Variants in MTUS2 observed in about 807,000 individuals in gnomAD.
MTUS2 encodes the protein microtubule associated scaffold protein 2.
MTUS2 carries 40 observed loss-of-function variants against 114.1 expected under a neutral mutation model. The ratio of observed to expected loss-of-function variants is 0.35; its 90% CI spans 0.27 to 0.46. The LOEUF is 0.46. Among genes scored for constraint, MTUS2 ranks in the 20% least tolerant of loss-of-function variants. MTUS2 has a pLI of 1.00. For synonymous variants in MTUS2, 688 were observed against 672.0 expected (o/e 1.02, Z -0.37); for missense variants, 1,679 against 1,705.4 (o/e 0.98, Z 0.27).
At chr13:29,068,274 C>A (rs1017301481) in intron 4 of MTUS2, among the ~76,000 whole-genome samples, 1 of 152,194 alleles carries the variant, frequency 6.6e-6, no homozygotes, top group Non-Finnish European at 1.5e-5. Context: ...TGTATTTTCA[C>A]TGTGCATTCA....
At chr13:28,866,623 A>C (rs555040714) in intron 2 of MTUS2, among the ~76,000 whole-genome samples, 1 of 152,344 alleles carries the variant, frequency 6.6e-6, no homozygotes, top group East Asian at 1.9e-4. Context: ...CTTTTCATGT[A>C]GTTATCTTAT....
intron 8 of MTUS2, among the ~76,000 whole-genome samples, chr13:29,377,644 T>C (rs1566165195): frequency 6.9e-6 from 1 of 144,780 alleles, no homozygotes; most frequent in Non-Finnish European, 1.5e-5. Context: ...AAGGTATTTA[T>C]GGCATTACAT....
intron 2 of MTUS2, among the ~76,000 whole-genome samples, chr13:28,859,021 G>A (rs970380775): frequency 6.6e-6 from 1 of 152,196 alleles, no homozygotes; most frequent in Non-Finnish European, 1.5e-5. Context: ...GAATAATTTG[G>A]TAGCAGGAGA....
At chr13:29,478,572 T>C (rs1271317204) in intron 9 of MTUS2, among the ~76,000 whole-genome samples, 1 of 152,236 alleles carries the variant, frequency 6.6e-6, no homozygotes, top group Non-Finnish European at 1.5e-5. Context: ...AGGAGTCTTT[T>C]TCCATCAATA....
rs139111386 is a variant in MTUS2 at position 29,033,841 on chromosome 13, A to G, written c.2206-44A>G. On this transcript the variant is annotated intron_variant, in intron 3 of 15. Coordinates refer to ENST00000612955, the MANE Select transcript of MTUS2 (RefSeq NM_001033602.4). ...CGTGGTCCTGTATAGAACTCACACT[A>G]TGATGTGAAGGTCTCTGATTGAGTT... The G allele has an allele frequency of 7.4e-5, 119 of 1,610,206 alleles. No individual in the cohort carries two copies. The African/African-American group carries it at 1.4e-3, about 19-fold the overall frequency.
At chr13:29,097,058 T>C (rs925891098) in intron 4 of MTUS2, among the ~76,000 whole-genome samples, 1 of 152,104 alleles carries the variant, frequency 6.6e-6, no homozygotes, top group Non-Finnish European at 1.5e-5. Context: ...TGAGAATTGG[T>C]GGTGGCCTGC....
At chr13:29,372,964 G>C (rs1871311923) in intron 8 of MTUS2, among the ~76,000 whole-genome samples, 1 of 152,218 alleles carries the variant, frequency 6.6e-6, no homozygotes, top group African/African-American at 2.4e-5. Context: ...GCAGTGGGCA[G>C]ATTAGAAAGA....
intron 8 of MTUS2, among the ~76,000 whole-genome samples, chr13:29,385,656 G>A (rs1213782046): frequency 1.3e-5 from 2 of 151,952 alleles, no homozygotes; most frequent in Non-Finnish European, 2.9e-5. Flanking sequence ...GTTGTTGTCT[G>A]TCCTTTTTCC....
chr13:29,498,294 G>A lies in MTUS2; in HGVS notation c.3679-124G>A, dbSNP rs1270556523. ...AGGCTGTGAGCATCCTCTCTCTTTGGTGTTGCAGTTGCCATCAGGGCGCTT... is the reference window on the plus strand; with the variant it reads ...AGGCTGTGAGCATCCTCTCTCTTTGATGTTGCAGTTGCCATCAGGGCGCTT... On this transcript the variant is annotated intron_variant, in intron 13 of 15. Transcript: ENST00000612955. The A allele has an allele frequency of 6.0e-6, 8 of 1,340,002 alleles. 1 individual carries two copies. The African/African-American group carries it at 7.3e-5, about 12-fold the overall frequency. 83.0% of individuals were successfully genotyped at this position (1,340,002 alleles called of 1,614,324 possible).
chr13:29,113,475 A>G (rs995454400), intron 5 of MTUS2, among the ~76,000 whole-genome samples: 1 of 152,104 alleles, frequency 6.6e-6, no homozygotes, highest in African/African-American at 2.4e-5. Flanking sequence ...CCCAATCGAA[A>G]TTTCTGCAGT....
At chr13:29,170,505 C>T (rs1359661863) in intron 5 of MTUS2, among the ~76,000 whole-genome samples, 1 of 152,080 alleles carries the variant, frequency 6.6e-6, no homozygotes, top group African/African-American at 2.4e-5. Flanking sequence ...GTGAAGGAAA[C>T]CCTGGGGATG....
chr13:29,439,368 A>C (rs1005899414), intron 8 of MTUS2, among the ~76,000 whole-genome samples: 3 of 152,204 alleles, frequency 2.0e-5, no homozygotes, highest in Admixed American at 2.0e-4. Context: ...TTTTTGCACT[A>C]AATGGTATTT....
chr13:28,922,788 A>G (rs1369472457), intron 2 of MTUS2, among the ~76,000 whole-genome samples: 1 of 152,192 alleles, frequency 6.6e-6, no homozygotes, highest in Non-Finnish European at 1.5e-5. Context: ...AAAACCAGGT[A>G]CTATGAGTGT....
chr13:29,109,273 C>G (rs1036848579), intron 5 of MTUS2, among the ~76,000 whole-genome samples: 3 of 152,110 alleles, frequency 2.0e-5, no homozygotes, highest in African/African-American at 7.2e-5. Flanking sequence ...ACATATCCAT[C>G]ACCTCACATA....
intron 4 of MTUS2, among the ~76,000 whole-genome samples, chr13:29,065,920 C>T (rs556308024): frequency 1.3e-5 from 2 of 152,136 alleles, no homozygotes; most frequent in East Asian, 3.8e-4. Context: ...AAACCCCCCC[C>T]CACCTGACAT....
intron 2 of MTUS2, among the ~76,000 whole-genome samples, chr13:29,007,711 T>C (rs1258555164): frequency 6.6e-6 from 1 of 152,344 alleles, no homozygotes; most frequent in East Asian, 1.9e-4. Flanking sequence ...ATAGTAAACA[T>C]ATTTTTTCTT....
At position 29,148,773 on chromosome 13, in the gene MTUS2, C is replaced by T. The variant is rs1490936049; in HGVS notation, c.2644+47803C>T. On this transcript the variant is annotated intron_variant, in intron 5 of 15. Coordinates refer to ENST00000612955, the MANE Select transcript of MTUS2 (RefSeq NM_001033602.4). ...GATTACAGGCGTGAGCCACCGCGCC[C>T]GGCCCTGTGTTTGGTTTTCTGTTCC... Among the ~76,000 whole-genome samples, 20 of 60,672 alleles carry T rather than the reference C, an allele frequency of 3.3e-4. 6 individuals carry two copies. The highest frequency in any genetic ancestry group is 1.1e-3 in the Non-Finnish European group (20 of 18,934). 39.8% of individuals were successfully genotyped at this position (60,672 alleles called of 152,430 possible).
At chr13:28,943,415 A>T (rs1882350566) in intron 2 of MTUS2, among the ~76,000 whole-genome samples, 1 of 152,234 alleles carries the variant, frequency 6.6e-6, no homozygotes. Flanking sequence ...CACAGATGGT[A>T]ATTAAATGAA....
At chr13:29,220,289 C>T (rs1315099442) in intron 5 of MTUS2, among the ~76,000 whole-genome samples, 3 of 152,240 alleles carry the variant, frequency 2.0e-5, no homozygotes, top group Admixed American at 1.3e-4. Flanking sequence ...GCATGAGCCA[C>T]TGCACCTGGC....
Sources: gnomAD v4.1 joint callset for allele counts (sites outside exome capture counted in the v4.1 genomes callset) on GRCh38, gnomAD v4.1.1 for gene constraint, MANE v1.5 for transcripts, NCBI Gene and HGNC (gene_info 2026-07-23, HGNC 2026-07-21) for gene names.